The following BPIFB4 variants were observed in gnomAD, a reference collection of about 807,000 sequenced individuals.
BPIFB4 encodes BPI fold-containing family B member 4.
A neutral mutation model predicts 69.2 loss-of-function variants in BPIFB4; 62 were observed. The ratio of observed to expected loss-of-function variants is 0.90; its 90% CI spans 0.73 to 1.11. BPIFB4 has a LOEUF of 1.11. BPIFB4 is among the 50% of genes least tolerant of loss of function. The pLI, the probability that BPIFB4 is intolerant of heterozygous loss-of-function variation, is 0.00. For synonymous variants in BPIFB4, 330 were observed against 332.7 expected (o/e 0.99, Z 0.09); for missense variants, 789 against 792.0 (o/e 1.00, Z 0.04).
chr20:33,087,596 T>C (rs1387010782), intron 7 of BPIFB4, among the ~76,000 whole-genome samples: 1 of 152,152 alleles, frequency 6.6e-6, no homozygotes, highest in East Asian at 1.9e-4. Context: ...AAGGTCACAA[T>C]GAATAACCTT....
chr20:33,107,862 C>A, intron 17 of BPIFB4, 42 bp downstream of exon 17: 2 of 1,537,222 alleles, frequency 1.3e-6, no homozygotes, highest in Non-Finnish European at 1.8e-6. Flanking sequence ...CCTCCCTGCC[C>A]TTTGCTCATC....
At chr20:33,111,367 C>T in intron 17 of BPIFB4, 47 bp from the exon 18 acceptor site, 2 of 1,613,404 alleles carry the variant, frequency 1.2e-6, no homozygotes, top group Non-Finnish European at 1.7e-6. Context: ...AAGGCTCTAG[C>T]CAGAGCCACC....
intron 16 of BPIFB4, 38 bp downstream of exon 16, chr20:33,104,911 G>A: frequency 6.2e-7 from 1 of 1,600,466 alleles, no homozygotes; most frequent in Non-Finnish European, 8.6e-7. Context: ...GGAGCTTGTG[G>A]CTTGGGTACT....
rs1279529832 is a variant in BPIFB4, at chr20:33,086,094, G to T, written c.856G>T (p.Gly286Cys). ...AKVRLTMDRT[G>C]YPRLVIERCD... ...GGTCCGGCTGACCATGGACCGCACG[G>T]GTTATCCTCGGCTGGTCATTGAGCG... The change falls in exon 7 of 18, where the codon GGT (glycine) becomes TGT (cysteine). Residue 286 changes from glycine (G) to cysteine (C), a missense_variant. Transcript: ENST00000375483. 2 of 1,613,592 alleles carry T rather than the reference G, an allele frequency of 1.2e-6. No individual in the cohort carries two copies. Among genetic ancestry groups the T allele is most frequent in the Non-Finnish European group, 1.7e-6 (2 of 1,179,524 alleles).
chr20:33,108,941 A>G (rs1982154883), intron 17 of BPIFB4, among the ~76,000 whole-genome samples: 1 of 152,044 alleles, frequency 6.6e-6, no homozygotes, highest in African/African-American at 2.4e-5. Flanking sequence ...TTGCCCCCTC[A>G]CATTTGCCCC....
chr20:33,110,751 A>ATT (rs200479862), intron 17 of BPIFB4, among the ~76,000 whole-genome samples: 2,428 of 111,462 alleles, frequency 0.022, 71 homozygotes, highest in East Asian at 0.13. Context: ...AGACTCACGA[A>ATT]TTTTTTTTTT....
chr20:33,081,778 C>A, intron 3 of BPIFB4, 146 bp downstream of exon 3: 1 of 1,433,276 alleles, frequency 7.0e-7, no homozygotes, highest in East Asian at 2.5e-5. Context: ...TTAGTTTCTC[C>A]TTTTTCTTTT....
intron 14 of BPIFB4, 55 bp from the exon 15 acceptor site, chr20:33,102,917 C>A: frequency 6.4e-7 from 1 of 1,564,672 alleles, no homozygotes; most frequent in Non-Finnish European, 8.8e-7. Context: ...AATGCAAGAG[C>A]CTTATGATTT....
Position 33,081,594 on chromosome 20 carries a change from A to G in BPIFB4, c.68A>G (p.Asn23Ser). 9 of 1,551,746 alleles carry G rather than the reference A, an allele frequency of 5.8e-6. No individual in the cohort carries two copies. Among genetic ancestry groups the G allele is most frequent in the Non-Finnish European group, 7.8e-6 (9 of 1,147,004 alleles). The change falls in exon 3 of 18, where the codon AAC becomes AGC. Residue 23 changes from asparagine (N) to serine (S), a missense_variant. Coordinates refer to ENST00000375483, the MANE Select transcript of BPIFB4 (RefSeq NM_182519.3). ...GTGTGTGGCACCAGCCACGAGACAA[A>G]CACGGTCCTCAGGGTGACGAAAGAT... The part of the protein sequence containing the change: ...VAVCGTSHET[N>S]TVLRVTKDVL...
At chr20:33,088,617 A>G (rs980656654) in intron 7 of BPIFB4, among the ~76,000 whole-genome samples, 1 of 152,218 alleles carries the variant, frequency 6.6e-6, no homozygotes, top group Admixed American at 6.5e-5. Flanking sequence ...ACACAACATA[A>G]GGCTGCAGCA....
Position 33,085,038 on chromosome 20 carries a change from G to A in BPIFB4, c.782+42G>A, listed in dbSNP as rs1459311153. ...CTGGAGGGGTCCCCACCACCCTATG[G>A]CCCAACCTCTGTATCCATAACACAG... On this transcript the variant is annotated intron_variant, in intron 6 of 17. Transcript: ENST00000375483. 6 of 1,589,470 alleles carry A rather than the reference G, an allele frequency of 3.8e-6. 1 individual carries two copies. In the Admixed American group the frequency reaches 8.7e-5, roughly 23 times the overall value.
At chr20:33,092,778 C>T in intron 11 of BPIFB4, 120 bp downstream of exon 11, 3 of 889,148 alleles carry the variant, frequency 3.4e-6, no homozygotes, top group Non-Finnish European at 5.3e-6. Flanking sequence ...TGGTCCACCC[C>T]TTGACTCACC....
intron 8 of BPIFB4, 81 bp from the exon 9 acceptor site, chr20:33,089,417 A>G (rs1981530417): frequency 6.2e-7 from 1 of 1,601,056 alleles, no homozygotes; most frequent in Non-Finnish European, 8.5e-7. Context: ...AATTTTAGCT[A>G]TCGTTACTCT....
At chr20:33,085,272 T>A (rs779005644) in intron 6 of BPIFB4, among the ~76,000 whole-genome samples, 4 of 151,980 alleles carry the variant, frequency 2.6e-5, no homozygotes, top group African/African-American at 9.7e-5. Context: ...CTGGCCAACA[T>A]GGTGAAACCC....
intron 5 of BPIFB4, among the ~76,000 whole-genome samples, chr20:33,084,645 G>C (rs1600553230): frequency 6.6e-6 from 1 of 152,344 alleles, no homozygotes; most frequent in African/African-American, 2.4e-5. Context: ...TTGACATGCA[G>C]AAAAGATTCA....
chr20:33,102,743 A>C (rs1981940063), intron 14 of BPIFB4, among the ~76,000 whole-genome samples: 1 of 152,242 alleles, frequency 6.6e-6, no homozygotes, highest in African/African-American at 2.4e-5. Context: ...AGTAGGTGGC[A>C]AAGCTATGAT....
At position 33,097,700 on chromosome 20, in the gene BPIFB4, C is replaced by A. The variant is rs558486519; in HGVS notation, c.1482C>A (p.Asp494Glu). ...CACCATCTGTGATGCTGCAGAAGGA[C>A]AAAGCGCTGGTGAAGGTGTTGGCCA... is the stretch of plus-strand genomic sequence containing the variant. ...LNPPSVMLQK[D>E]KALVKVLATA... Residue 494 changes from aspartate to glutamate, a missense_variant, in exon 13 of 18, where the codon GAC (aspartate) becomes GAA (glutamate). This residue lies in a region of BPIFB4 where 170 missense variants were observed against 193.6 expected (regional missense o/e 0.88). Coordinates refer to ENST00000375483, the MANE Select transcript of BPIFB4 (RefSeq NM_182519.3). The A allele has an allele frequency of 6.2e-7, 1 of 1,614,130 alleles. No homozygotes were observed. The highest frequency in any genetic ancestry group is 1.7e-5 in the Admixed American group (1 of 60,034).
intron 7 of BPIFB4, among the ~76,000 whole-genome samples, chr20:33,087,717 A>AACACAC (rs1555882746): frequency 1.1e-3 from 64 of 59,436 alleles, no homozygotes; most frequent in Admixed American, 1.9e-3. Context: ...CTATCCCCTC[A>AACACAC]ACACACACAC....
At position 33,081,632 on chromosome 20, in the gene BPIFB4, G is replaced by A; in HGVS notation, c.106G>A (p.Ala36Thr). ...GGTGACGAAAGATGTGTTGAGCAAT[G>A]GTGAGTCCAGCCCCAAAGGGGTGAG... is the stretch of plus-strand genomic sequence containing the variant. ...LRVTKDVLSNAISGMLQQSDA... is the reference protein window; with the variant it reads ...LRVTKDVLSNTISGMLQQSDA... The change falls in exon 3 of 18, where the codon GCC (alanine) becomes ACC (threonine). Residue 36 changes from alanine (A) to threonine (T), a missense_variant and splice_region_variant. Coordinates refer to ENST00000375483, the MANE Select transcript of BPIFB4 (RefSeq NM_182519.3). 1.3e-6 allele frequency: 2 copies of A among 1,551,616 alleles called. No homozygotes were observed. The highest frequency in any genetic ancestry group is 1.7e-6 in the Non-Finnish European group (2 of 1,146,996).
Sources: gnomAD v4.1 joint callset for allele counts (sites outside exome capture counted in the v4.1 genomes callset) on GRCh38, gnomAD v4.1.1 for gene constraint, gnomAD v4.1.1 regional missense constraint, MANE v1.5 for transcripts, NCBI Gene and HGNC (gene_info 2026-07-23, HGNC 2026-07-21) for gene names.